The following INPP4B variants were observed in gnomAD, a reference collection of about 807,000 sequenced individuals.
INPP4B encodes inositol polyphosphate 4-phosphatase type II.
Under a neutral mutation model 122.5 loss-of-function variants are expected in INPP4B, and 55 were observed. The ratio of observed to expected loss-of-function variants is 0.45; its 90% CI spans 0.36 to 0.56. The LOEUF (loss-of-function observed/expected upper bound fraction) is 0.56. Among genes scored for constraint, INPP4B ranks in the 20% least tolerant of loss-of-function variants. The pLI, the probability that INPP4B is intolerant of heterozygous loss-of-function variation, is 0.00. For missense variants in INPP4B, 1,000 were observed against 1,097.7 expected (o/e 0.91, Z 1.26); for synonymous variants, 403 against 388.7 (o/e 1.04, Z -0.43).
At chr4:142,190,193 G>A (rs77921109) in intron 15 of INPP4B, among the ~76,000 whole-genome samples, 1 of 115,684 alleles carries the variant, frequency 8.6e-6, no homozygotes, top group Non-Finnish European at 1.8e-5. Flanking sequence ...TTATTTGTTT[G>A]TTTGTTTATT....
chr4:142,720,742 AT>A (rs1560996157), intron 2 of INPP4B, among the ~76,000 whole-genome samples: 38 of 72,232 alleles, frequency 5.3e-4, no homozygotes, highest in African/African-American at 2.0e-3. Flanking sequence ...ATATATATAT[AT>A]ATATACATAT....
At chr4:142,626,344 G>T (rs1359552756) in intron 2 of INPP4B, among the ~76,000 whole-genome samples, 2 of 151,884 alleles carry the variant, frequency 1.3e-5, no homozygotes, top group African/African-American at 4.8e-5. Context: ...TCCTTAAAAG[G>T]GACAGGGATC....
intron 8 of INPP4B, 72 bp from the exon 9 acceptor site, chr4:142,305,609 C>A: frequency 6.5e-7 from 1 of 1,534,030 alleles, no homozygotes; most frequent in Non-Finnish European, 8.9e-7. Flanking sequence ...ATCAATCAAA[C>A]AAAATGAGTC....
At chr4:142,171,654 C>T (rs2152943437) in intron 16 of INPP4B, among the ~76,000 whole-genome samples, 1 of 151,864 alleles carries the variant, frequency 6.6e-6, no homozygotes. Context: ...AAATTCCAGT[C>T]ATGAATTCTT....
At chr4:142,033,139 T>C (rs1405351500) in intron 25 of INPP4B, among the ~76,000 whole-genome samples, 1 of 152,148 alleles carries the variant, frequency 6.6e-6, no homozygotes, top group Non-Finnish European at 1.5e-5. Context: ...CAAGGAGGCT[T>C]TTAGCACATG....
intron 2 of INPP4B, among the ~76,000 whole-genome samples, chr4:142,590,521 G>A (rs988814776): frequency 4.6e-5 from 7 of 152,168 alleles, no homozygotes; most frequent in South Asian, 2.1e-4. Context: ...TGTGTATGCC[G>A]AAATTGAAAA....
At chr4:142,131,104 C>G (rs900321786) in intron 18 of INPP4B, among the ~76,000 whole-genome samples, 10 of 152,168 alleles carry the variant, frequency 6.6e-5, no homozygotes, top group Non-Finnish European at 1.5e-4. Flanking sequence ...GGAGGAGTCA[C>G]ACACCCACAT....
chr4:142,092,538 G>T (rs185441401), intron 23 of INPP4B, among the ~76,000 whole-genome samples: 1 of 152,176 alleles, frequency 6.6e-6, no homozygotes, highest in East Asian at 1.9e-4. Flanking sequence ...TGATCCACCC[G>T]CCTAGGCCTC....
chr4:142,155,283 A>G (rs1052268987), intron 17 of INPP4B, among the ~76,000 whole-genome samples: 1 of 152,150 alleles, frequency 6.6e-6, no homozygotes, highest in Non-Finnish European at 1.5e-5. Flanking sequence ...AGATAACTGA[A>G]CAAAATCTTT....
At chr4:142,480,867 A>T (rs1820420608) in intron 2 of INPP4B, among the ~76,000 whole-genome samples, 1 of 152,150 alleles carries the variant, frequency 6.6e-6, no homozygotes, top group Non-Finnish European at 1.5e-5. Flanking sequence ...TATCTTTGGC[A>T]CAAAAGTCAT....
chr4:142,738,423 C>T (rs1767354503), intron 1 of INPP4B, among the ~76,000 whole-genome samples: 1 of 151,984 alleles, frequency 6.6e-6, no homozygotes, highest in Non-Finnish European at 1.5e-5. Flanking sequence ...AACACACGGA[C>T]ACAGGAAGGA....
chr4:142,120,648 A>G (rs112656023), intron 21 of INPP4B, among the ~76,000 whole-genome samples: 6,178 of 152,070 alleles, frequency 0.041, 173 homozygotes, highest in Non-Finnish European at 0.061. Flanking sequence ...TCCTACTCCA[A>G]TCCAAGTCAA....
At chr4:142,568,785 G>A (rs977806492) in intron 2 of INPP4B, among the ~76,000 whole-genome samples, 4 of 152,104 alleles carry the variant, frequency 2.6e-5, no homozygotes, top group African/African-American at 9.7e-5. Flanking sequence ...CAGGATTGAA[G>A]CAGAATTGCT....
intron 25 of INPP4B, among the ~76,000 whole-genome samples, chr4:142,061,761 T>C (rs536934761): frequency 6.6e-6 from 1 of 151,248 alleles, no homozygotes; most frequent in Non-Finnish European, 1.5e-5. Context: ...AGAATTTTTA[T>C]ATATTGTATG....
At position 142,245,889 on chromosome 4, in the gene INPP4B, T is replaced by TAC. The variant is rs1728026871; in HGVS notation, c.689-7879_689-7878insGT. Among the ~76,000 whole-genome samples, 2 of 27,214 alleles carry TAC rather than the reference T, an allele frequency of 7.3e-5. 1 individual carries two copies. Among genetic ancestry groups the TAC allele is most frequent in the African/African-American group, 1.9e-4 (2 of 10,652 alleles). The allele number at this position is 27,214 out of a possible 152,430, so 17.9% of individuals were successfully genotyped here. The stretch of plus-strand genomic sequence containing the variant: ...GTATGTATACATATATATGTGTATG[T>TAC]ATACATATATGTGTATGTATACATA... On this transcript the variant is annotated intron_variant, in intron 11 of 25. Coordinates refer to ENST00000262992, the MANE Select transcript of INPP4B (RefSeq NM_001101669.3).
At chr4:142,344,075 T>G (rs552801378) in intron 7 of INPP4B, among the ~76,000 whole-genome samples, 1 of 152,118 alleles carries the variant, frequency 6.6e-6, no homozygotes, top group Admixed American at 6.6e-5. Context: ...TAATATTGAA[T>G]GTGTTTTGGT....
intron 2 of INPP4B, among the ~76,000 whole-genome samples, chr4:142,653,968 C>T (rs1753583314): frequency 6.6e-6 from 1 of 152,104 alleles, no homozygotes; most frequent in African/African-American, 2.4e-5. Context: ...TTGGAACCAA[C>T]CCAAATGTCC....
chr4:142,326,863 G>T (rs1320516007), intron 7 of INPP4B, among the ~76,000 whole-genome samples: 2 of 151,972 alleles, frequency 1.3e-5, no homozygotes, highest in Non-Finnish European at 1.5e-5. Context: ...TTATTGCTTT[G>T]CCCATTTTAC....
chr4:142,065,019 AAG>A (rs1346406696), intron 25 of INPP4B, among the ~76,000 whole-genome samples: 1 of 152,178 alleles, frequency 6.6e-6, no homozygotes, highest in Non-Finnish European at 1.5e-5. Context: ...GAAGGCTGCT[AAG>A]AGTAAATTTA....
Sources: allele counts gnomAD v4.1 joint callset (sites outside exome capture counted in the v4.1 genomes callset), GRCh38; gene constraint gnomAD v4.1.1; transcripts MANE v1.5; gene names NCBI Gene and HGNC (gene_info 2026-07-23, HGNC 2026-07-21).